The following ADAMTS19 variants were observed in gnomAD, a reference collection of about 807,000 sequenced individuals.
The protein encoded by ADAMTS19 is ADAM metallopeptidase with thrombospondin type 1 motif 19, also known as A disintegrin and metalloproteinase with thrombospondin motifs 19.
A neutral mutation model predicts 153.3 loss-of-function variants in ADAMTS19; 93 were observed. The ratio of observed to expected loss-of-function variants is 0.61; its 90% CI spans 0.51 to 0.72. The LOEUF (loss-of-function observed/expected upper bound fraction) is 0.72. Ranked by LOEUF, ADAMTS19 falls within the 30% of genes least tolerant of loss-of-function variation. The probability of loss-of-function intolerance (pLI) is 0.00; values close to 1 mark genes in which losing one functional copy is unlikely to be tolerated. For missense variants in ADAMTS19, 1,482 were observed against 1,552.1 expected, an observed-to-expected ratio of 0.95 and a Z score of 0.76; for synonymous variants, 600 against 556.6, an observed-to-expected ratio of 1.08 and a Z score of -1.10.
chr5:129,490,109 A>T (rs1040090956), intron 2 of ADAMTS19, among the ~76,000 whole-genome samples: 11 of 152,218 alleles, frequency 7.2e-5, no homozygotes, highest in African/African-American at 2.7e-4. Flanking sequence ...AAAATGTATG[A>T]AATGAATTAC....
intron 6 of ADAMTS19, among the ~76,000 whole-genome samples, chr5:129,549,277 A>C (rs114870829): frequency 0.028 from 4,203 of 151,416 alleles, 195 homozygotes; most frequent in African/African-American, 0.095. Context: ...CAATAATAGA[A>C]AAGGATTAAA....
intron 21 of ADAMTS19, among the ~76,000 whole-genome samples, chr5:129,706,414 A>G (rs371495857): frequency 2.1e-4 from 32 of 152,144 alleles, no homozygotes; most frequent in African/African-American, 7.2e-4. Context: ...TACTGAAAAT[A>G]CAAAATTAGC....
In ADAMTS19 at chr5:129,573,410, C is replaced by T. The variant is rs1753980788; in HGVS notation, c.1372+21503C>T. Among the ~76,000 whole-genome samples the T allele has an allele frequency of 2.0e-5, 3 of 152,076 alleles. No individual in the cohort carries two copies. The South Asian group carries it at 6.2e-4, about 31-fold the overall frequency. ...TTGTTTCTCAGCCGACCACGCATCA[C>T]ATTTCAGTATGCCTTTCTTATAACT... is the stretch of plus-strand genomic sequence containing the variant. On this transcript the variant is annotated intron_variant, in intron 7 of 22. Transcript: ENST00000274487.
chr5:129,622,131 A>G (rs1751803283), intron 9 of ADAMTS19, 67 bp from the exon 10 acceptor site: 1 of 1,529,718 alleles, frequency 6.5e-7, no homozygotes, highest in African/African-American at 1.4e-5. Flanking sequence ...TTCTTGTTGT[A>G]TGCTAACCAA....
chr5:129,645,245 T>A lies in ADAMTS19; in HGVS notation c.1873-2520T>A, dbSNP rs533278775. On this transcript the variant is annotated intron_variant, in intron 11 of 22. Transcript: ENST00000274487. ...TTTTCAACAATACATAACTTCTTTT[T>A]TGAGGCTAAAAAATGCAAACGTTGT... Among the ~76,000 whole-genome samples, 93 of 152,338 alleles carry A rather than the reference T, an allele frequency of 6.1e-4. 1 individual carries two copies. Among genetic ancestry groups the A allele is most frequent in the African/African-American group, 2.2e-3 (92 of 41,582 alleles).
chr5:129,648,773 T>G (rs1365151354), intron 12 of ADAMTS19, 25 bp from the exon 13 acceptor site: 2 of 1,602,468 alleles, frequency 1.2e-6, no homozygotes, highest in East Asian at 2.2e-5. Flanking sequence ...AACATAAAAT[T>G]GATTATTTGT....
At chr5:129,499,503 A>AATCTCT (rs1751031769) in intron 2 of ADAMTS19, among the ~76,000 whole-genome samples, 1 of 152,126 alleles carries the variant, frequency 6.6e-6, no homozygotes, top group Admixed American at 6.6e-5. Flanking sequence ...AATCTTTTAA[A>AATCTCT]ATCTCTATCT....
In ADAMTS19 at chr5:129,737,466, G is replaced by T. The variant is rs928396007; in HGVS notation, c.*248G>T. 2 of 255,286 alleles carry T rather than the reference G, an allele frequency of 7.8e-6. No homozygotes were observed. The highest frequency in any genetic ancestry group is 2.2e-5 in the African/African-American group (1 of 44,496). The allele number at this position is 255,286 out of a possible 1,614,324, so 15.8% of individuals were successfully genotyped here. On this transcript the variant is annotated 3_prime_UTR_variant, in exon 23 of 23. Transcript: ENST00000274487. The stretch of plus-strand genomic sequence containing the variant: ...GTTGGATCCAGTAATATAATAAAAA[G>T]AAAAAGGAAAAAAATAGATCATTAT...
intron 8 of ADAMTS19, among the ~76,000 whole-genome samples, chr5:129,597,251 A>T (rs1047773081): frequency 6.6e-6 from 1 of 152,220 alleles, no homozygotes; most frequent in African/African-American, 2.4e-5. Context: ...GAAATTAATA[A>T]TAGGAATAAT....
intron 15 of ADAMTS19, among the ~76,000 whole-genome samples, chr5:129,663,564 T>C (rs1307547178): frequency 1.3e-5 from 2 of 152,236 alleles, no homozygotes; most frequent in African/African-American, 2.4e-5. Context: ...TCAATATTTA[T>C]TATACCCACT....
chr5:129,493,863 C>T (rs188267438), intron 2 of ADAMTS19, among the ~76,000 whole-genome samples: 1 of 152,040 alleles, frequency 6.6e-6, no homozygotes, highest in Non-Finnish European at 1.5e-5. Context: ...GATGGATGAA[C>T]TCATTCTTTA....
chr5:129,555,047 C>A (rs902331986), intron 7 of ADAMTS19, among the ~76,000 whole-genome samples: 8 of 152,062 alleles, frequency 5.3e-5, no homozygotes, highest in Admixed American at 2.0e-4. Flanking sequence ...GCTTTTAAGT[C>A]ATTGTTTACT....
chr5:129,565,911 G>A (rs1192149189), intron 7 of ADAMTS19, among the ~76,000 whole-genome samples: 1 of 152,094 alleles, frequency 6.6e-6, no homozygotes, highest in Non-Finnish European at 1.5e-5. Context: ...TTAAGCAACA[G>A]TATTGGGGAA....
At chr5:129,667,205 A>G (rs1401150465) in intron 16 of ADAMTS19, among the ~76,000 whole-genome samples, 1 of 152,130 alleles carries the variant, frequency 6.6e-6, no homozygotes, top group African/African-American at 2.4e-5. Flanking sequence ...GATGCCACTT[A>G]CTGGTCTCTT....
intron 8 of ADAMTS19, among the ~76,000 whole-genome samples, chr5:129,601,685 A>G (rs551542656): frequency 3.9e-5 from 6 of 152,278 alleles, no homozygotes; most frequent in South Asian, 4.2e-4. Context: ...TTCTGTCCCA[A>G]TGGAGTTGTG....
At chr5:129,520,831 C>T (rs987698792) in intron 3 of ADAMTS19, among the ~76,000 whole-genome samples, 1 of 152,078 alleles carries the variant, frequency 6.6e-6, no homozygotes, top group Non-Finnish European at 1.5e-5. Context: ...TCTGCTGAAG[C>T]TCATCGCTCA....
At chr5:129,596,470 A>T in intron 7 of ADAMTS19, 89 bp from the exon 8 acceptor site, 1 of 884,690 alleles carries the variant, frequency 1.1e-6, no homozygotes, top group Non-Finnish European at 1.7e-6. Context: ...AGTCGTGACA[A>T]CTGCCATTTT....
At chr5:129,591,397 A>G (rs1750127089) in intron 7 of ADAMTS19, among the ~76,000 whole-genome samples, 1 of 151,812 alleles carries the variant, frequency 6.6e-6, no homozygotes, top group African/African-American at 2.4e-5. Flanking sequence ...GGTTCAAGCA[A>G]TTCTCCTGCC....
chr5:129,485,862 C>T (rs1750572543), intron 2 of ADAMTS19, among the ~76,000 whole-genome samples: 1 of 152,086 alleles, frequency 6.6e-6, no homozygotes, highest in African/African-American at 2.4e-5. Flanking sequence ...TTGATCTGAG[C>T]TCACTGCAAC....
Sources: gnomAD v4.1 joint callset for allele counts (sites outside exome capture counted in the v4.1 genomes callset) on GRCh38, gnomAD v4.1.1 for gene constraint, MANE v1.5 for transcripts, NCBI Gene and HGNC (gene_info 2026-07-23, HGNC 2026-07-21) for gene names.